The following CIT variants were observed in gnomAD, a reference collection of about 807,000 sequenced individuals.
The protein encoded by CIT is citron rho-interacting serine/threonine kinase.
In CIT, 79 loss-of-function variants were observed where a neutral mutation model predicts 272.7. The observed-to-expected ratio is 0.29, with a 90% CI of 0.24 to 0.35. The LOEUF is 0.35. Among genes scored for constraint, CIT ranks in the 10% least tolerant of loss-of-function variants. The pLI, the probability that CIT is intolerant of heterozygous loss-of-function variation, is 1.00. For synonymous variants in CIT, 948 were observed against 995.6 expected (o/e 0.95, Z 0.90); for missense variants, 1,909 against 2,618.3 (o/e 0.73, Z 5.91).
rs537332092 is a variant in CIT, at chr12:119,757,098, C to T, written c.2706+273G>A. 5.5e-4 allele frequency among the ~76,000 whole-genome samples: 79 copies of T among 144,168 alleles called. No homozygotes were observed. In the East Asian group the frequency reaches 0.016, roughly 29 times the overall value. The allele number at this position is 144,168 out of a possible 152,430, so 94.6% of individuals were successfully genotyped here. A position where few individuals can be genotyped will look rare whatever the true frequency, so the allele number is the denominator to read the frequency against. On this transcript the variant is annotated intron_variant, in intron 22 of 47. Transcript: ENST00000392521. ...TCGCACCACTGCACTCCAGCCTGGA[C>T]AACAGAGCAAGACTCTCTTAAAAAA...
intron 18 of CIT, among the ~76,000 whole-genome samples, chr12:119,767,699 G>C (rs528819595): frequency 1.3e-5 from 2 of 152,280 alleles, no homozygotes; most frequent in Non-Finnish European, 2.9e-5. Context: ...GATTTTAACT[G>C]ACTGGTAAGT....
Position 119,772,895 on chromosome 12 carries a change from T to C in CIT, c.1957A>G (p.Thr653Ala), listed in dbSNP as rs1387337979. ...TTCTGCAGCAGCTCGGTGGCCTCCGTGCTGGCTTTTACAGCCTAGGAAGAG... is the reference window on the plus strand; with the variant it reads ...TTCTGCAGCAGCTCGGTGGCCTCCGCGCTGGCTTTTACAGCCTAGGAAGAG... ...EKLEKAVKAS[T>A]EATELLQNIR... The change falls in exon 17 of 48, where the codon ACG (threonine) becomes GCG (alanine). Residue 653 changes from threonine (T) to alanine (A), a missense_variant. Coordinates refer to ENST00000392521, the MANE Select transcript of CIT (RefSeq NM_001206999.2). 1 of 1,613,448 alleles carries C rather than the reference T, an allele frequency of 6.2e-7. No individual in the cohort carries two copies. The highest frequency in any genetic ancestry group is 8.5e-7 in the Non-Finnish European group (1 of 1,179,862).
At chr12:119,845,594 A>G (rs914598650) in intron 5 of CIT, among the ~76,000 whole-genome samples, 1 of 149,720 alleles carries the variant, frequency 6.7e-6, no homozygotes, top group African/African-American at 2.5e-5. Flanking sequence ...TGGAGGCTGC[A>G]GTGAGCCAAG....
chr12:119,724,182 T>C (rs533416655), intron 28 of CIT, among the ~76,000 whole-genome samples: 2 of 152,270 alleles, frequency 1.3e-5, no homozygotes, highest in South Asian at 4.1e-4. Flanking sequence ...GGATATCTAG[T>C]TGACTGTCAC....
intron 25 of CIT, among the ~76,000 whole-genome samples, chr12:119,734,776 A>G (rs528155506): frequency 1.7e-3 from 254 of 152,198 alleles, no homozygotes; most frequent in African/African-American, 5.7e-3. Context: ...AGCTGGAACT[A>G]CTGGCATGCA....
In CIT at chr12:119,752,095, C is replaced by T; in HGVS notation, c.2859G>A (p.Leu953=). 1 of 1,612,934 alleles carries T rather than the reference C, an allele frequency of 6.2e-7. No homozygotes were observed. Among genetic ancestry groups the T allele is most frequent in the Non-Finnish European group, 8.5e-7 (1 of 1,180,010 alleles). The part of the protein sequence containing the change: ...ESQLRQAKTE[L]EETTAEAEEE... ...CTTCAGCTTCTGCTGTGGTCTCTTC[C>T]AGCTCTGTCTTCGCCTGGCGAAGCT... Residue 953 remains leucine (L), a synonymous_variant, in exon 23 of 48, where the codon CTG becomes CTA. Coordinates refer to ENST00000392521, the MANE Select transcript of CIT (RefSeq NM_001206999.2).
rs113607985 is a variant in CIT at position 119,702,108 on chromosome 12, CT to C, written c.5305-151del. The C allele has an allele frequency of 0.21, 103,781 of 504,942 alleles. 129 individuals are homozygous for C. The highest frequency in any genetic ancestry group is 0.27 in the South Asian group (10,897 of 40,468). 31.3% of individuals were successfully genotyped at this position (504,942 alleles called of 1,614,324 possible). The stretch of plus-strand genomic sequence containing the variant: ...CACGTTGTCATAGAGAGCCATTCAT[CT>C]TTTTTTTTTTTTGGAGACAAGATCT... On this transcript the variant is annotated intron_variant, in intron 41 of 47. Transcript: ENST00000392521.
intron 9 of CIT, among the ~76,000 whole-genome samples, chr12:119,816,929 C>T (rs183078362): frequency 2.6e-5 from 4 of 152,190 alleles, no homozygotes; most frequent in African/African-American, 9.7e-5. Flanking sequence ...GTTCAACATC[C>T]TGCAATTCAC....
chr12:119,706,387 C>T (rs138739139), intron 40 of CIT, among the ~76,000 whole-genome samples: 2 of 152,086 alleles, frequency 1.3e-5, no homozygotes, highest in Non-Finnish European at 2.9e-5. Flanking sequence ...TCATCACCTG[C>T]GTATTAAGCC....
intron 27 of CIT, 119 bp downstream of exon 27, chr12:119,730,376 A>C: frequency 8.2e-7 from 1 of 1,225,386 alleles, no homozygotes; most frequent in African/African-American, 1.5e-5. Context: ...TTTGGAGTGC[A>C]TGAACATATG....
rs772830016 is a variant in CIT, at chr12:119,857,472, T to C, written c.414+51A>G. 6.9e-6 allele frequency: 11 copies of C among 1,583,236 alleles called. No homozygotes were observed. In the Admixed American group the frequency reaches 1.9e-4, roughly 27 times the overall value. On this transcript the variant is annotated intron_variant, in intron 4 of 47. Transcript: ENST00000392521. Reference sequence around the variant, plus strand: ...GTGCAGCAGATTATCGTCTTTGCAATGAACACTCCGGTACAGAAAGTGGAA... The same window carrying C: ...GTGCAGCAGATTATCGTCTTTGCAACGAACACTCCGGTACAGAAAGTGGAA...
chr12:119,730,382 A>G (rs1194471429), intron 27 of CIT, 113 bp downstream of exon 27: 7 of 1,291,008 alleles, frequency 5.4e-6, no homozygotes, highest in Non-Finnish European at 7.3e-6. Flanking sequence ...GTGCATGAAC[A>G]TATGTTTATG....
Position 119,752,254 on chromosome 12 carries a change from C to CAGAG in CIT, c.2707-11_2707-8dup. The CAGAG allele has an allele frequency of 1.9e-6, 3 of 1,574,496 alleles. No individual in the cohort carries two copies. In the South Asian group the frequency reaches 3.4e-5, roughly 18 times the overall value. ...CCTCGTGCTCTAGACTGACCTGAGA[C>CAGAG]AGAGAGAGAGAGAGAAAGAGAGATA... On this transcript the variant is annotated splice_region_variant and splice_polypyrimidine_tract_variant and intron_variant, in intron 22 of 47. Transcript: ENST00000392521.
chr12:119,864,773 G>A (rs1192526715), intron 3 of CIT, among the ~76,000 whole-genome samples: 3 of 152,230 alleles, frequency 2.0e-5, no homozygotes, highest in African/African-American at 7.2e-5. Context: ...ACATATGCCA[G>A]ACACTATTTT....
Position 119,697,697 on chromosome 12 carries a change from G to C in CIT, c.5844C>G (p.Ser1948=), listed in dbSNP as rs778107885. ...ICCKGNLVKE[S]GTEHHRGPST... The stretch of plus-strand genomic sequence containing the variant: ...ACGGGCCCCGGTGGTGTTCAGTGCC[G>C]GACTCCTTCACGAGGTTTCCCTTGC... The change falls in exon 46 of 48, where the codon TCC becomes TCG. Residue 1948 remains serine, a synonymous_variant. Transcript: ENST00000392521. This position sits in a 1 kb window ranked among gnomAD's most constrained non-coding sequence, Gnocchi z 4.9. 6 of 1,614,078 alleles carry C rather than the reference G, an allele frequency of 3.7e-6. No individual in the cohort carries two copies. Among genetic ancestry groups the C allele is most frequent in the Non-Finnish European group, 5.1e-6 (6 of 1,180,022 alleles).
chr12:119,702,386 G>C (rs1401874236), intron 41 of CIT, among the ~76,000 whole-genome samples: 1 of 152,108 alleles, frequency 6.6e-6, no homozygotes, highest in Non-Finnish European at 1.5e-5. Context: ...AAAAGGTGGG[G>C]TCAGAAACAC....
intron 26 of CIT, among the ~76,000 whole-genome samples, chr12:119,732,348 T>C (rs1958503779): frequency 6.6e-6 from 1 of 152,188 alleles, no homozygotes; most frequent in African/African-American, 2.4e-5. Context: ...CGTGTATTTC[T>C]TGATGCTGAA....
At chr12:119,735,137 AC>A in intron 25 of CIT, 22 bp downstream of exon 25, 1 of 1,611,050 alleles carries the variant, frequency 6.2e-7, no homozygotes, top group Non-Finnish European at 8.5e-7. Context: ...CAGGGATCTC[AC>A]GACCTTGTTA....
At chr12:119,717,097 G>C (rs764726992) in intron 32 of CIT, among the ~76,000 whole-genome samples, 2 of 152,220 alleles carry the variant, frequency 1.3e-5, no homozygotes, top group African/African-American at 4.8e-5. Flanking sequence ...TTGTTGCCCA[G>C]ACTGGAATGC....
Sources: gnomAD v4.1 joint callset for allele counts (sites outside exome capture counted in the v4.1 genomes callset) on GRCh38, gnomAD v4.1.1 for gene constraint, Gnocchi (gnomAD v3.1) non-coding constraint, MANE v1.5 for transcripts, NCBI Gene and HGNC (gene_info 2026-07-23, HGNC 2026-07-21) for gene names.